MTUS1: variants seen among roughly 807,000 people sequenced by gnomAD.
The protein encoded by MTUS1 is microtubule-associated tumor suppressor 1.
A neutral mutation model predicts 120.8 loss-of-function variants in MTUS1; 109 were observed. That is an observed-to-expected ratio of 0.90 (90% confidence interval 0.77 to 1.06). The LOEUF is 1.06. MTUS1 is among the 50% of genes least tolerant of loss of function. MTUS1 has a pLI of 0.00. For missense variants in MTUS1, 2,210 were observed against 1,486.3 expected (o/e 1.49, Z -8.01); for synonymous variants, 737 against 550.5 (o/e 1.34, Z -4.74).
intron 4 of MTUS1, among the ~76,000 whole-genome samples, chr8:17,719,275 A>G (rs2904723): frequency 0.31 from 46,586 of 152,158 alleles, 7,460 homozygotes; most frequent in African/African-American, 0.41. Flanking sequence ...TACATTATGT[A>G]TATACACACA....
At position 17,796,062 on chromosome 8, in the gene MTUS1, G is replaced by C. The variant is rs536594519; in HGVS notation, c.-155+4999C>G. 2.0e-5 allele frequency among the ~76,000 whole-genome samples: 3 copies of C among 151,964 alleles called. No homozygotes were observed. The South Asian group carries it at 6.2e-4, about 32-fold the overall frequency. ...CCTCCTGGATTCAAGGAATTCTCCT[G>C]CCTCAGCCTCCTGAGTAGCTGGGAT... On this transcript the variant is annotated intron_variant, in intron 1 of 14. Coordinates refer to ENST00000693296, the MANE Select transcript of MTUS1 (RefSeq NM_001363059.2).
At chr8:17,715,361 A>G (rs752415969) in intron 5 of MTUS1, among the ~76,000 whole-genome samples, 2 of 152,198 alleles carry the variant, frequency 1.3e-5, no homozygotes, top group Non-Finnish European at 2.9e-5. Flanking sequence ...ACAGAGATAA[A>G]GAACATTTAG....
chr8:17,777,420 CAGAG>C (rs2050535560), intron 1 of MTUS1, among the ~76,000 whole-genome samples: 1 of 146,516 alleles, frequency 6.8e-6, no homozygotes, highest in African/African-American at 2.5e-5. Flanking sequence ...GCTTGGGTGA[CAGAG>C]GGAGACACTG....
rs1267999895 is a variant in MTUS1 at position 17,753,997 on chromosome 8, G to T, written c.1811C>A (p.Thr604Lys). 1.2e-6 allele frequency: 2 copies of T among 1,614,218 alleles called. No individual in the cohort carries two copies. Among genetic ancestry groups the T allele is most frequent in the Non-Finnish European group, 1.7e-6 (2 of 1,180,044 alleles). Reference sequence around the variant, plus strand: ...CTGATTCGATTTCACGGCAGATGTTGTTCTTGGAACCCTGTGTGAAGCATT... The same window carrying T: ...CTGATTCGATTTCACGGCAGATGTTTTTCTTGGAACCCTGTGTGAAGCATT... The part of the protein sequence containing the change: ...SKNASHRVPR[T>K]TSAVKSNQED... Residue 604 changes from threonine (T) to lysine (K), a missense_variant, in exon 2 of 15, where the codon ACA becomes AAA. Transcript: ENST00000693296.
At chr8:17,650,001 T>C (rs768980863) in intron 12 of MTUS1, 39 bp from the exon 13 acceptor site, 10 of 1,024,178 alleles carry the variant, frequency 9.8e-6, no homozygotes, top group Middle Eastern at 2.0e-4. Context: ...TTATTCCACA[T>C]AGTTCAAATT....
At chr8:17,762,328 A>G (rs528969492) in intron 1 of MTUS1, among the ~76,000 whole-genome samples, 1 of 152,314 alleles carries the variant, frequency 6.6e-6, no homozygotes, top group East Asian at 1.9e-4. Context: ...ACAAAATGTC[A>G]TCAGCAGCAT....
intron 13 of MTUS1, among the ~76,000 whole-genome samples, chr8:17,649,288 C>T (rs1209621532): frequency 6.6e-6 from 1 of 152,112 alleles, no homozygotes; most frequent in Non-Finnish European, 1.5e-5. Context: ...AACTCCTGAC[C>T]TCAAGTGACC....
At chr8:17,785,309 G>A (rs1282961159) in intron 1 of MTUS1, among the ~76,000 whole-genome samples, 1 of 152,156 alleles carries the variant, frequency 6.6e-6, no homozygotes, top group Non-Finnish European at 1.5e-5. Flanking sequence ...CAGAGAATAG[G>A]CTCCACTGTT....
chr8:17,707,571 A>G (rs1048225246), intron 6 of MTUS1, among the ~76,000 whole-genome samples: 8 of 152,214 alleles, frequency 5.3e-5, no homozygotes, highest in Non-Finnish European at 1.2e-4. Flanking sequence ...TGTAACAGAA[A>G]TTATTAGAAT....
chr8:17,695,926 GC>G (rs1367481949), intron 6 of MTUS1, among the ~76,000 whole-genome samples: 1 of 152,284 alleles, frequency 6.6e-6, no homozygotes, highest in Non-Finnish European at 1.5e-5. Context: ...TAAGAGAGAG[GC>G]TTGCCTAGGA....
At chr8:17,709,746 C>A (rs367560273) in intron 6 of MTUS1, among the ~76,000 whole-genome samples, 1 of 152,072 alleles carries the variant, frequency 6.6e-6, no homozygotes, top group African/African-American at 2.4e-5. Flanking sequence ...TGGTGGCTCA[C>A]ACCTGTAATC....
chr8:17,713,169 TACAA>T, intron 6 of MTUS1, 41 bp downstream of exon 6: 1 of 1,457,396 alleles, frequency 6.9e-7, no homozygotes, highest in South Asian at 1.2e-5. Flanking sequence ...AACATAACTT[TACAA>T]AAAGATTCTT....
chr8:17,763,656 A>G (rs902528951), intron 1 of MTUS1, among the ~76,000 whole-genome samples: 1 of 152,158 alleles, frequency 6.6e-6, no homozygotes, highest in African/African-American at 2.4e-5. Flanking sequence ...TGGAGGCACT[A>G]AGGCAACAGG....
chr8:17,709,704 C>T (rs998780878), intron 6 of MTUS1, among the ~76,000 whole-genome samples: 8 of 151,918 alleles, frequency 5.3e-5, no homozygotes, highest in South Asian at 4.1e-4. Flanking sequence ...AGCATTATGT[C>T]TAAAAAAATA....
chr8:17,707,273 C>A (rs901358165), intron 6 of MTUS1, among the ~76,000 whole-genome samples: 1 of 152,072 alleles, frequency 6.6e-6, no homozygotes, highest in Non-Finnish European at 1.5e-5. Flanking sequence ...AATGATCCAC[C>A]CAAAGTCACT....
intron 6 of MTUS1, among the ~76,000 whole-genome samples, chr8:17,684,787 C>T (rs774997077): frequency 2.6e-5 from 4 of 152,144 alleles, no homozygotes; most frequent in Non-Finnish European, 5.9e-5. Context: ...AGGAACATGA[C>T]ACAAATGGAT....
chr8:17,736,021 C>T, intron 3 of MTUS1, among the ~76,000 whole-genome samples: 1 of 152,188 alleles, frequency 6.6e-6, no homozygotes, highest in East Asian at 1.9e-4. Context: ...AACCAGTAAG[C>T]TCCTTAAGAG....
chr8:17,706,677 A>G (rs986638083), intron 6 of MTUS1, among the ~76,000 whole-genome samples: 1 of 152,180 alleles, frequency 6.6e-6, no homozygotes, highest in Non-Finnish European at 1.5e-5. Context: ...TCCTGATACT[A>G]CTTTTAATAA....
At position 17,753,820 on chromosome 8, in the gene MTUS1, C is replaced by G. The variant is rs1200558037; in HGVS notation, c.1988G>C (p.Ser663Thr). ...MTYVPNIDRISPEKKGEKENG... is the reference protein window; with the variant it reads ...MTYVPNIDRITPEKKGEKENG... ...TTCTTTTTCACCCTTCTTTTCAGGG[C>G]TAATCCTATCAATGTTGGGAACATA... Residue 663 changes from serine (S) to threonine (T), a missense_variant, in exon 2 of 15, where the codon AGC becomes ACC. Coordinates refer to ENST00000693296, the MANE Select transcript of MTUS1 (RefSeq NM_001363059.2). 6 of 1,614,118 alleles carry G rather than the reference C, an allele frequency of 3.7e-6. No individual in the cohort carries two copies. In the African/African-American group the frequency reaches 8.0e-5, roughly 22 times the overall value.
Sources: gnomAD v4.1 joint callset for allele counts (sites outside exome capture counted in the v4.1 genomes callset) on GRCh38, gnomAD v4.1.1 for gene constraint, MANE v1.5 for transcripts, NCBI Gene and HGNC (gene_info 2026-07-23, HGNC 2026-07-21) for gene names.